Variants in SLC2A13 observed in about 807,000 individuals in gnomAD.
SLC2A13 encodes proton myo-inositol cotransporter.
A neutral mutation model predicts 64.4 loss-of-function variants in SLC2A13; 32 were observed. The ratio of observed to expected loss-of-function variants is 0.50; its 90% confidence interval spans 0.37 to 0.67. The LOEUF (loss-of-function observed/expected upper bound fraction) is 0.67. Ranked by LOEUF, SLC2A13 falls within the 30% of genes least tolerant of loss-of-function variation. The pLI is 0.00. For missense variants in SLC2A13, 743 were observed against 829.2 expected, an observed-to-expected ratio of 0.90 and a Z score of 1.28; for synonymous variants, 338 against 327.1, an observed-to-expected ratio of 1.03 and a Z score of -0.36.
At chr12:39,974,238 G>C (rs1462457803) in intron 3 of SLC2A13, among the ~76,000 whole-genome samples, 1 of 152,166 alleles carries the variant, frequency 6.6e-6, no homozygotes, top group African/African-American at 2.4e-5. Context: ...ACTACAGCTA[G>C]AACTTAGTCA....
chr12:40,012,890 C>G (rs1037561889), intron 3 of SLC2A13, among the ~76,000 whole-genome samples: 2 of 152,138 alleles, frequency 1.3e-5, no homozygotes, highest in African/African-American at 4.8e-5. Flanking sequence ...GCCTCCGGGA[C>G]TGAATGACAA....
chr12:39,999,985 T>C (rs1422495305), intron 3 of SLC2A13, among the ~76,000 whole-genome samples: 1 of 152,228 alleles, frequency 6.6e-6, no homozygotes, highest in Non-Finnish European at 1.5e-5. Context: ...TCTTTATTTC[T>C]CAGCCAGCTG....
At chr12:39,866,308 C>A (rs1458557584) in intron 5 of SLC2A13, among the ~76,000 whole-genome samples, 2 of 152,050 alleles carry the variant, frequency 1.3e-5, no homozygotes, top group Non-Finnish European at 2.9e-5. Flanking sequence ...ACAGAGGTGA[C>A]CTTGGGATCA....
chr12:40,091,946 T>C (rs1938783243), intron 1 of SLC2A13, among the ~76,000 whole-genome samples: 1 of 152,222 alleles, frequency 6.6e-6, no homozygotes, highest in African/African-American at 2.4e-5. Context: ...ATCCATACAA[T>C]AACTCTATGA....
intron 7 of SLC2A13, among the ~76,000 whole-genome samples, chr12:39,784,543 T>C (rs547905985): frequency 1.3e-5 from 2 of 152,300 alleles, no homozygotes; most frequent in East Asian, 1.9e-4. Flanking sequence ...TGAAACTGGA[T>C]CCCTTCCTTA....
At position 39,804,699 on chromosome 12, in the gene SLC2A13, T is replaced by C. The variant is rs182344321; in HGVS notation, c.1445+25404A>G. On this transcript the variant is annotated intron_variant, in intron 7 of 9. Coordinates refer to ENST00000280871, the MANE Select transcript of SLC2A13 (RefSeq NM_052885.4). ...GTAGCAACACTAAACAGAACGTCTG[T>C]CCTCTCAGAGGACAGACATTCTAGA... Among the ~76,000 whole-genome samples, 10 of 152,222 alleles carry C rather than the reference T, an allele frequency of 6.6e-5. No individual in the cohort carries two copies. The East Asian group carries it at 1.9e-3, about 29-fold the overall frequency.
At chr12:40,059,359 T>C (rs894199737) in intron 1 of SLC2A13, among the ~76,000 whole-genome samples, 4 of 152,238 alleles carry the variant, frequency 2.6e-5, no homozygotes, top group South Asian at 2.1e-4. Flanking sequence ...GATAGACATA[T>C]AGATAGATAA....
intron 1 of SLC2A13, among the ~76,000 whole-genome samples, chr12:40,075,318 C>T (rs1007293015): frequency 3.9e-5 from 6 of 152,144 alleles, no homozygotes; most frequent in African/African-American, 1.4e-4. Flanking sequence ...TTTTCCTATA[C>T]AAGCAATGTT....
intron 3 of SLC2A13, among the ~76,000 whole-genome samples, chr12:39,984,099 T>G (rs1315028724): frequency 6.6e-6 from 1 of 151,254 alleles, no homozygotes; most frequent in African/African-American, 2.4e-5. Flanking sequence ...AAACACCACA[T>G]ATTCTCACTC....
At chr12:40,064,397 C>T (rs1409265321) in intron 1 of SLC2A13, among the ~76,000 whole-genome samples, 4 of 151,850 alleles carry the variant, frequency 2.6e-5, no homozygotes, top group Non-Finnish European at 5.9e-5. Flanking sequence ...AAATAGTAAA[C>T]ATTATTTTGA....
chr12:40,045,707 T>C (rs1268185251), intron 2 of SLC2A13, among the ~76,000 whole-genome samples: 2 of 152,138 alleles, frequency 1.3e-5, no homozygotes, highest in African/African-American at 4.8e-5. Context: ...TTTCCCATAC[T>C]CTTATTTTAT....
At chr12:39,973,622 G>A (rs1334875589) in intron 3 of SLC2A13, among the ~76,000 whole-genome samples, 8 of 152,080 alleles carry the variant, frequency 5.3e-5, no homozygotes, top group Admixed American at 1.3e-4. Flanking sequence ...TTGATTCCTC[G>A]GCTACTCACT....
intron 3 of SLC2A13, among the ~76,000 whole-genome samples, chr12:39,987,721 G>A (rs1947054602): frequency 2.0e-5 from 3 of 151,782 alleles, no homozygotes; most frequent in African/African-American, 7.3e-5. Flanking sequence ...ATATTTTCTT[G>A]TAATAAAGCA....
At chr12:40,078,377 T>C (rs1171056430) in intron 1 of SLC2A13, among the ~76,000 whole-genome samples, 1 of 152,236 alleles carries the variant, frequency 6.6e-6, no homozygotes, top group Non-Finnish European at 1.5e-5. Context: ...TTGAATTTCA[T>C]TGAAAGCCTT....
chr12:39,912,048 C>G (rs1190978188), intron 4 of SLC2A13, among the ~76,000 whole-genome samples: 1 of 151,988 alleles, frequency 6.6e-6, no homozygotes, highest in Non-Finnish European at 1.5e-5. Context: ...AGATTTGGAA[C>G]CAGGTAGAAA....
At chr12:39,930,770 C>T (rs1311247293) in intron 4 of SLC2A13, among the ~76,000 whole-genome samples, 1 of 152,106 alleles carries the variant, frequency 6.6e-6, no homozygotes, top group Admixed American at 6.6e-5. Context: ...ACTGTGACTG[C>T]CACATAAATA....
intron 4 of SLC2A13, among the ~76,000 whole-genome samples, chr12:39,925,991 G>T (rs984573739): frequency 1.3e-5 from 2 of 152,078 alleles, no homozygotes; most frequent in Non-Finnish European, 2.9e-5. Context: ...TCATGAATAT[G>T]ACAGATAGTA....
chr12:40,066,482 C>T (rs902482258), intron 1 of SLC2A13, among the ~76,000 whole-genome samples: 2 of 152,088 alleles, frequency 1.3e-5, no homozygotes, highest in Non-Finnish European at 2.9e-5. Context: ...AAAAGATGTC[C>T]CACTATGTTC....
intron 9 of SLC2A13, 113 bp from the exon 10 acceptor site, chr12:39,760,365 A>T: frequency 1.1e-6 from 1 of 918,866 alleles, no homozygotes; most frequent in Non-Finnish European, 1.6e-6. Context: ...TAATCACAGT[A>T]TGAAATGGAC....
Sources: allele counts gnomAD v4.1 joint callset (sites outside exome capture counted in the v4.1 genomes callset), GRCh38; gene constraint gnomAD v4.1.1; transcripts MANE v1.5; gene names NCBI Gene and HGNC (gene_info 2026-07-23, HGNC 2026-07-21).